FAT3: variants seen among roughly 807,000 people sequenced by gnomAD.
The protein encoded by FAT3 is FAT atypical cadherin 3.
A neutral mutation model predicts 310.2 loss-of-function variants in FAT3; 95 were observed. The observed-to-expected ratio is 0.31, with a 90% CI of 0.26 to 0.36. The LOEUF is 0.36. Among genes scored for constraint, FAT3 ranks in the 10% least tolerant of loss-of-function variants. FAT3 has a pLI of 1.00. For missense variants in FAT3, 5,408 were observed against 5,715.6 expected (o/e 0.95, Z 1.74); for synonymous variants, 2,314 against 2,192.9 (o/e 1.06, Z -1.54).
intron 2 of FAT3, among the ~76,000 whole-genome samples, chr11:92,391,253 C>T (rs1455149226): frequency 2.0e-5 from 3 of 152,186 alleles, no homozygotes. Flanking sequence ...AGTGGACAGA[C>T]TCTAAGTGGT....
intron 3 of FAT3, among the ~76,000 whole-genome samples, chr11:92,675,137 T>G (rs918396966): frequency 2.6e-5 from 4 of 152,196 alleles, no homozygotes; most frequent in African/African-American, 9.7e-5. Context: ...GCAGGAAGCA[T>G]GAGTATTATT....
intron 1 of FAT3, among the ~76,000 whole-genome samples, chr11:92,262,540 A>G (rs1193277603): frequency 6.6e-6 from 1 of 152,110 alleles, no homozygotes; most frequent in Non-Finnish European, 1.5e-5. Context: ...AGAGCAGCAG[A>G]TACATCCAGA....
chr11:92,653,131 C>G (rs183172617), intron 3 of FAT3, among the ~76,000 whole-genome samples: 285 of 152,264 alleles, frequency 1.9e-3, no homozygotes, highest in African/African-American at 6.2e-3. Flanking sequence ...TGCACTCCAG[C>G]TTAGGCAACA....
chr11:92,538,626 G>A (rs539489367), intron 3 of FAT3, among the ~76,000 whole-genome samples: 117 of 152,216 alleles, frequency 7.7e-4, no homozygotes, highest in African/African-American at 2.8e-3. Flanking sequence ...ACATACTCAT[G>A]TTTTGTGAGT....
intron 2 of FAT3, among the ~76,000 whole-genome samples, chr11:92,358,995 T>C (rs1948807871): frequency 2.0e-5 from 3 of 152,168 alleles, no homozygotes; most frequent in Admixed American, 6.6e-5. Context: ...AGTGTTTGCA[T>C]TGGTTAGCAG....
intron 3 of FAT3, among the ~76,000 whole-genome samples, chr11:92,626,554 C>T (rs566781150): frequency 6.6e-6 from 1 of 151,820 alleles, no homozygotes; most frequent in African/African-American, 2.4e-5. Flanking sequence ...GGCATCTCTT[C>T]CTGATAGTTG....
At chr11:92,739,129 G>A (rs1945434804) in intron 4 of FAT3, among the ~76,000 whole-genome samples, 1 of 152,128 alleles carries the variant, frequency 6.6e-6, no homozygotes, top group Non-Finnish European at 1.5e-5. Flanking sequence ...AGGACAGATG[G>A]ATCTCACCCT....
intron 2 of FAT3, among the ~76,000 whole-genome samples, chr11:92,513,710 T>C (rs934171739): frequency 6.6e-5 from 10 of 152,198 alleles, no homozygotes; most frequent in Non-Finnish European, 2.9e-5. Flanking sequence ...AAGCGTTAAA[T>C]GAATCATGCA....
At chr11:92,705,484 GTGTGATGGTGGTGGTGA>G (rs1944264578) in intron 4 of FAT3, among the ~76,000 whole-genome samples, 1 of 85,046 alleles carries the variant, frequency 1.2e-5, no homozygotes, top group Admixed American at 1.2e-4. Flanking sequence ...TGTGATAGTG[GTGTGATGGTGGTGGTGA>G]TGGTGGTGGT....
At chr11:92,872,540 G>A (rs907837756) in intron 22 of FAT3, among the ~76,000 whole-genome samples, 2 of 152,062 alleles carry the variant, frequency 1.3e-5, no homozygotes, top group Non-Finnish European at 2.9e-5. Flanking sequence ...TATATTTTTG[G>A]TACCTTGGAA....
At chr11:92,479,597 C>T (rs368884036) in intron 2 of FAT3, among the ~76,000 whole-genome samples, 1 of 152,200 alleles carries the variant, frequency 6.6e-6, no homozygotes, top group East Asian at 1.9e-4. Flanking sequence ...TAGATAAGGT[C>T]CCTTGGTCAA....
At chr11:92,399,200 AAG>A (rs1949954299) in intron 2 of FAT3, among the ~76,000 whole-genome samples, 1 of 152,200 alleles carries the variant, frequency 6.6e-6, no homozygotes, top group South Asian at 2.1e-4. Flanking sequence ...ATGTAAGACT[AAG>A]AGTTTTGTGG....
At chr11:92,708,653 T>C (rs1944432131) in intron 4 of FAT3, among the ~76,000 whole-genome samples, 1 of 152,262 alleles carries the variant, frequency 6.6e-6, no homozygotes, top group Admixed American at 6.5e-5. Context: ...GGCCTTGTAT[T>C]ATGCATTGTA....
At chr11:92,632,929 G>T (rs767970637) in intron 3 of FAT3, among the ~76,000 whole-genome samples, 1 of 152,178 alleles carries the variant, frequency 6.6e-6, no homozygotes. Context: ...TAACAAAGTG[G>T]CTCATGTGCT....
At chr11:92,501,484 T>C (rs190148471) in intron 2 of FAT3, among the ~76,000 whole-genome samples, 74 of 152,168 alleles carry the variant, frequency 4.9e-4, no homozygotes, top group Admixed American at 4.8e-3. Flanking sequence ...TTAATAGCAA[T>C]ACAGAGTCAG....
chr11:92,269,202 C>T (rs1166913370), intron 1 of FAT3, among the ~76,000 whole-genome samples: 2 of 152,008 alleles, frequency 1.3e-5, no homozygotes, highest in African/African-American at 4.8e-5. Flanking sequence ...TGATATGACT[C>T]GCAATGTTGA....
rs1012057859 is a variant in FAT3, at chr11:92,319,913, G to A, written c.-17-32183G>A. ...GGAGTAGGGATGAGGAAGACAGAGG[G>A]AGTTTTTATGGTCAAATCAGTTTGT... On this transcript the variant is annotated intron_variant, in intron 1 of 27. Coordinates refer to ENST00000525166, the MANE Select transcript of FAT3 (RefSeq NM_001367949.2). Among the ~76,000 whole-genome samples the A allele has an allele frequency of 5.3e-5, 8 of 152,274 alleles. No individual in the cohort carries two copies. The East Asian group carries it at 1.5e-3, about 29-fold the overall frequency.
chr11:92,749,704 G>A (rs1012926074), intron 4 of FAT3, among the ~76,000 whole-genome samples: 1 of 152,204 alleles, frequency 6.6e-6, no homozygotes, highest in Non-Finnish European at 1.5e-5. Flanking sequence ...CCAGTAAGTA[G>A]AGACAGCCAA....
At chr11:92,837,873 A>C in intron 17 of FAT3, 67 bp downstream of exon 17, 1 of 1,595,984 alleles carries the variant, frequency 6.3e-7, no homozygotes, top group Non-Finnish European at 8.6e-7. Flanking sequence ...GCTGTGGTTT[A>C]CTCATTGTGG....
Sources: allele counts gnomAD v4.1 joint callset (sites outside exome capture counted in the v4.1 genomes callset), GRCh38; gene constraint gnomAD v4.1.1; transcripts MANE v1.5; gene names NCBI Gene and HGNC (gene_info 2026-07-23, HGNC 2026-07-21).